The following PRKG1 variants were observed in gnomAD, a reference collection of about 807,000 sequenced individuals.
The protein encoded by PRKG1 is cGMP-dependent protein kinase 1.
A neutral mutation model predicts 88.1 loss-of-function variants in PRKG1; 35 were observed. The observed-to-expected ratio is 0.40, with a 90% confidence interval of 0.30 to 0.53. PRKG1 has a LOEUF of 0.53. Among genes scored for constraint, PRKG1 ranks in the 20% least tolerant of loss-of-function variants. The probability of loss-of-function intolerance (pLI) is 0.59; values close to 1 mark genes in which losing one functional copy is unlikely to be tolerated. For missense variants in PRKG1, 540 were observed against 839.8 expected (o/e 0.64, Z 4.41); for synonymous variants, 303 against 292.5 (o/e 1.04, Z -0.37).
rs534816121 is a variant in PRKG1, at chr10:51,187,547, G to A, written c.478+34217G>A. Among the ~76,000 whole-genome samples the A allele has an allele frequency of 7.9e-5, 12 of 152,002 alleles. No homozygotes were observed. The South Asian group carries it at 1.9e-3, about 24-fold the overall frequency. On this transcript the variant is annotated intron_variant, in intron 2 of 17. Coordinates refer to ENST00000373980, the MANE Select transcript of PRKG1 (RefSeq NM_006258.4). ...TCTTACCACCCAAATTCCTGAATTT[G>A]TTTCTGAGTGTTTGGCTGTTAAGTG...
At chr10:51,860,077 T>C (rs920763248) in intron 4 of PRKG1, among the ~76,000 whole-genome samples, 1 of 152,086 alleles carries the variant, frequency 6.6e-6, no homozygotes, top group African/African-American at 2.4e-5. Context: ...ATAGGGGAAG[T>C]ACATTTCTTC....
At chr10:51,918,378 C>T (rs559235178) in intron 5 of PRKG1, among the ~76,000 whole-genome samples, 1 of 148,876 alleles carries the variant, frequency 6.7e-6, no homozygotes, top group African/African-American at 2.5e-5. Context: ...AGCTTTTTCT[C>T]AGTCAGCATT....
At chr10:51,791,109 C>T (rs1389134322) in intron 3 of PRKG1, among the ~76,000 whole-genome samples, 2 of 152,110 alleles carry the variant, frequency 1.3e-5, no homozygotes, top group Non-Finnish European at 2.9e-5. Flanking sequence ...GAAACACTAT[C>T]TGGTCGATTC....
At chr10:51,149,849 A>G (rs1390251141) in intron 1 of PRKG1, among the ~76,000 whole-genome samples, 1 of 152,038 alleles carries the variant, frequency 6.6e-6, no homozygotes, top group Non-Finnish European at 1.5e-5. Flanking sequence ...GGCAAACGCT[A>G]CACACCATGG....
At chr10:52,292,523 G>C (rs376401609) in intron 17 of PRKG1, among the ~76,000 whole-genome samples, 39 of 151,688 alleles carry the variant, frequency 2.6e-4, no homozygotes, top group Non-Finnish European at 4.3e-4. Context: ...ATAGGGAATC[G>C]TTTCCCCATT....
chr10:52,118,463 T>C (rs892167558), intron 7 of PRKG1, among the ~76,000 whole-genome samples: 4 of 151,996 alleles, frequency 2.6e-5, no homozygotes, highest in Non-Finnish European at 5.9e-5. Flanking sequence ...TTATATTTTA[T>C]ATATATACAA....
At chr10:51,952,184 G>T (rs375945736) in intron 5 of PRKG1, among the ~76,000 whole-genome samples, 5 of 152,306 alleles carry the variant, frequency 3.3e-5, no homozygotes, top group African/African-American at 1.2e-4. Flanking sequence ...TATAATGTGG[G>T]TTTTTTAAAC....
intron 4 of PRKG1, among the ~76,000 whole-genome samples, chr10:51,849,104 T>A (rs1840480503): frequency 6.6e-6 from 1 of 152,204 alleles, no homozygotes. Flanking sequence ...TTTTCTGCTT[T>A]ATCCAATTAT....
At chr10:51,678,268 G>T (rs890993322) in intron 3 of PRKG1, among the ~76,000 whole-genome samples, 7 of 152,092 alleles carry the variant, frequency 4.6e-5, no homozygotes, top group Admixed American at 4.6e-4. Flanking sequence ...TGATTGGGAG[G>T]GTCTGGGTAG....
At chr10:51,020,070 C>T (rs188584201) in intron 1 of PRKG1, among the ~76,000 whole-genome samples, 21 of 152,118 alleles carry the variant, frequency 1.4e-4, no homozygotes, top group East Asian at 3.9e-4. Context: ...ATGGAACAGC[C>T]GCTAAGGAAA....
At chr10:51,016,411 T>C (rs1281488367) in intron 1 of PRKG1, among the ~76,000 whole-genome samples, 1 of 152,136 alleles carries the variant, frequency 6.6e-6, no homozygotes, top group Non-Finnish European at 1.5e-5. Context: ...TTGGCAGAAA[T>C]GCAGTTCATC....
At chr10:51,757,876 G>A (rs925247685) in intron 3 of PRKG1, among the ~76,000 whole-genome samples, 48 of 152,040 alleles carry the variant, frequency 3.2e-4, no homozygotes, top group African/African-American at 1.1e-3. Flanking sequence ...CTGTTGGGTA[G>A]CACTACTATA....
chr10:51,500,925 C>G (rs1841007423), intron 3 of PRKG1, among the ~76,000 whole-genome samples: 1 of 152,146 alleles, frequency 6.6e-6, no homozygotes, highest in Non-Finnish European at 1.5e-5. Flanking sequence ...TAGGTTGATG[C>G]AAAAGTAATT....
intron 2 of PRKG1, among the ~76,000 whole-genome samples, chr10:51,437,551 T>G (rs679438): frequency 4.1e-4 from 62 of 151,798 alleles, no homozygotes; most frequent in African/African-American, 1.5e-3. Context: ...ATAGAAAACA[T>G]GTATTTTAAA....
chr10:51,101,275 T>G (rs1173599585), intron 1 of PRKG1, among the ~76,000 whole-genome samples: 1 of 152,158 alleles, frequency 6.6e-6, no homozygotes, highest in Non-Finnish European at 1.5e-5. Flanking sequence ...TTGCTCTTTC[T>G]CTTTCCTTAC....
At chr10:52,284,238 T>A (rs549948059) in intron 14 of PRKG1, among the ~76,000 whole-genome samples, 144 of 151,868 alleles carry the variant, frequency 9.5e-4, no homozygotes, top group Admixed American at 3.6e-3. Context: ...GACATAGAAA[T>A]TACAGAATAG....
At chr10:51,085,327 C>T (rs948874060) in intron 1 of PRKG1, among the ~76,000 whole-genome samples, 1 of 152,166 alleles carries the variant, frequency 6.6e-6, no homozygotes, top group Non-Finnish European at 1.5e-5. Context: ...GACAGAGTGT[C>T]ACCATATCCT....
chr10:51,087,157 C>A (rs1844273292), intron 1 of PRKG1, among the ~76,000 whole-genome samples: 1 of 152,144 alleles, frequency 6.6e-6, no homozygotes, highest in African/African-American at 2.4e-5. Flanking sequence ...ACTTCTCTTG[C>A]TCAAATTAGG....
At chr10:51,816,952 T>G (rs1199085144) in intron 4 of PRKG1, among the ~76,000 whole-genome samples, 1 of 152,190 alleles carries the variant, frequency 6.6e-6, no homozygotes, top group Non-Finnish European at 1.5e-5. Context: ...ATGGATTTAC[T>G]TGTTTTATTT....
Sources: gnomAD v4.1 joint callset for allele counts (sites outside exome capture counted in the v4.1 genomes callset) on GRCh38, gnomAD v4.1.1 for gene constraint, MANE v1.5 for transcripts, NCBI Gene and HGNC (gene_info 2026-07-23, HGNC 2026-07-21) for gene names.